Variants in FOCAD observed in about 807,000 individuals in gnomAD.
The protein encoded by FOCAD is focadhesin, also known as KIAA1797.
FOCAD carries 198 observed loss-of-function variants against 225.6 expected under a neutral mutation model. The ratio of observed to expected loss-of-function variants is 0.88; its 90% CI spans 0.78 to 0.99. The LOEUF is 0.99. Among genes scored for constraint, FOCAD ranks in the 50% least tolerant of loss-of-function variants. The pLI, the probability that FOCAD is intolerant of heterozygous loss-of-function variation, is 0.00. For synonymous variants in FOCAD, 897 were observed against 755.0 expected, an observed-to-expected ratio of 1.19 and a Z score of -3.08; for missense variants, 2,713 against 2,123.6, an observed-to-expected ratio of 1.28 and a Z score of -5.46.
chr9:20,857,078 T>C (rs1828261426), intron 15 of FOCAD, among the ~76,000 whole-genome samples: 1 of 152,090 alleles, frequency 6.6e-6, no homozygotes, highest in Non-Finnish European at 1.5e-5. Context: ...ACTGGGTCTT[T>C]ATGTTTCTGT....
chr9:20,854,598 T>C (rs944190599), intron 15 of FOCAD, among the ~76,000 whole-genome samples: 5 of 151,778 alleles, frequency 3.3e-5, no homozygotes, highest in African/African-American at 1.2e-4. Flanking sequence ...GGTAAGATTC[T>C]TGTGGAAGAA....
At chr9:20,847,303 T>A (rs1827214147) in intron 15 of FOCAD, among the ~76,000 whole-genome samples, 1 of 152,130 alleles carries the variant, frequency 6.6e-6, no homozygotes, top group Non-Finnish European at 1.5e-5. Context: ...TTTGGACATT[T>A]TATGTAAATG....
At chr9:20,710,651 T>C (rs929635855) in intron 1 of FOCAD, among the ~76,000 whole-genome samples, 2 of 152,116 alleles carry the variant, frequency 1.3e-5, no homozygotes, top group East Asian at 3.9e-4. Context: ...TTGAGAATAT[T>C]GCATATTATA....
intron 35 of FOCAD, among the ~76,000 whole-genome samples, chr9:20,955,676 G>T (rs907064187): frequency 2.0e-5 from 3 of 151,844 alleles, no homozygotes; most frequent in Non-Finnish European, 4.4e-5. Flanking sequence ...TAAAATCTTT[G>T]CTCATCATCT....
At chr9:20,694,857 A>T (rs1356165400) in intron 1 of FOCAD, among the ~76,000 whole-genome samples, 1 of 152,210 alleles carries the variant, frequency 6.6e-6, no homozygotes, top group Non-Finnish European at 1.5e-5. Flanking sequence ...ATATTATCCA[A>T]TACAGTCCAT....
At chr9:20,784,283 G>C (rs1819689443) in intron 10 of FOCAD, among the ~76,000 whole-genome samples, 1 of 152,216 alleles carries the variant, frequency 6.6e-6, no homozygotes, top group Admixed American at 6.5e-5. Flanking sequence ...GGAACCTGAA[G>C]AGAAGCCCCT....
chr9:20,702,614 A>G (rs991715952), intron 1 of FOCAD, among the ~76,000 whole-genome samples: 3 of 152,168 alleles, frequency 2.0e-5, no homozygotes, highest in African/African-American at 7.2e-5. Context: ...GTTGTTTTGA[A>G]TATCGAGTGA....
intron 8 of FOCAD, among the ~76,000 whole-genome samples, chr9:20,774,975 C>T (rs1818613441): frequency 6.6e-6 from 1 of 152,120 alleles, no homozygotes; most frequent in African/African-American, 2.4e-5. Context: ...TGCTATAGGT[C>T]TATATGTACT....
intron 2 of FOCAD, among the ~76,000 whole-genome samples, chr9:20,665,069 T>C (rs1821857097): frequency 6.6e-6 from 1 of 152,032 alleles, no homozygotes; most frequent in Non-Finnish European, 1.5e-5. Flanking sequence ...CAGGGTAGAG[T>C]ACTCCAGTAT....
Position 20,936,931 on chromosome 9 carries a change from A to G in FOCAD, c.3407+3828A>G, listed in dbSNP as rs532897379. Among the ~76,000 whole-genome samples the G allele has an allele frequency of 6.0e-3, 912 of 152,292 alleles. 7 individuals are homozygous for G. The highest frequency in any genetic ancestry group is 0.031 in the Middle Eastern group (9 of 294). ...AAATCACAAACATTTTTATACATCAATAACAGACAAACAAAGAGCCAAATC... is the reference window on the plus strand; with the variant it reads ...AAATCACAAACATTTTTATACATCAGTAACAGACAAACAAAGAGCCAAATC... On this transcript the variant is annotated intron_variant, in intron 28 of 43. Transcript: ENST00000338382.
chr9:20,797,998 C>T, intron 11 of FOCAD, among the ~76,000 whole-genome samples: 1 of 152,090 alleles, frequency 6.6e-6, no homozygotes, highest in Admixed American at 6.5e-5. Context: ...ATAGATAGCT[C>T]TTATCATTTT....
chr9:20,780,319 A>G (rs1364437856), intron 9 of FOCAD, among the ~76,000 whole-genome samples: 3 of 152,224 alleles, frequency 2.0e-5, no homozygotes, highest in East Asian at 1.9e-4. Context: ...AAAAAATTCT[A>G]AAGCCTCAGA....
chr9:20,924,507 G>A (rs1221489606), intron 25 of FOCAD, among the ~76,000 whole-genome samples: 1 of 152,160 alleles, frequency 6.6e-6, no homozygotes, highest in Non-Finnish European at 1.5e-5. Context: ...AGGATTGTTC[G>A]AAGGATTAAA....
intron 2 of FOCAD, among the ~76,000 whole-genome samples, chr9:20,664,949 A>G (rs1821853274): frequency 9.5e-6 from 1 of 105,646 alleles, no homozygotes. Flanking sequence ...ACATAGTGGA[A>G]AACACTGCAT....
chr9:20,693,376 C>G (rs1823093684), intron 1 of FOCAD, among the ~76,000 whole-genome samples: 1 of 152,182 alleles, frequency 6.6e-6, no homozygotes, highest in African/African-American at 2.4e-5. Context: ...AGAAACCTCT[C>G]TCTCTAATAC....
chr9:20,862,614 C>A lies in FOCAD; in HGVS notation c.1957C>A (p.Pro653Thr). The change falls in exon 16 of 44, where the codon CCA becomes ACA. Residue 653 changes from proline (P) to threonine (T), a missense_variant. Physicochemically the swap from Pro to Thr is conservative, Grantham distance 38 (BLOSUM62 -1). Coordinates refer to ENST00000338382, the MANE Select transcript of FOCAD (RefSeq NM_001375567.1). ...CIRSTWNALSPKLSCDTRPLI... is the reference protein window; with the variant it reads ...CIRSTWNALSTKLSCDTRPLI... ...TCGCTCCACTTGGAATGCTCTCTCT[C>A]CAAAGCTGAGTTGTGACACAAGACC... is the stretch of plus-strand genomic sequence containing the variant. 34 of 1,613,452 alleles carry A rather than the reference C, an allele frequency of 2.1e-5. No homozygotes were observed. Among genetic ancestry groups the A allele is most frequent in the Non-Finnish European group, 2.9e-5 (34 of 1,179,612 alleles).
rs147338087 is a variant in FOCAD, at chr9:20,734,866, G to A, written c.288-5370G>A. On this transcript the variant is annotated intron_variant, in intron 4 of 43. Coordinates refer to ENST00000338382, the MANE Select transcript of FOCAD (RefSeq NM_001375567.1). ...TGCCCAGTATGGTCTCAAATTCCTG[G>A]GCCCAAGCGATTCGCCCACCTTGGG... 1.3e-3 allele frequency among the ~76,000 whole-genome samples: 198 copies of A among 152,086 alleles called. 5 individuals carry two copies. The South Asian group carries it at 0.019, about 15-fold the overall frequency.
intron 11 of FOCAD, among the ~76,000 whole-genome samples, chr9:20,792,925 G>C (rs1221139703): frequency 6.6e-6 from 1 of 152,168 alleles, no homozygotes; most frequent in Admixed American, 6.5e-5. Context: ...AAATGAATAG[G>C]AAATGTGTGA....
chr9:20,691,573 C>T (rs1822982503), intron 1 of FOCAD, among the ~76,000 whole-genome samples: 1 of 151,832 alleles, frequency 6.6e-6, no homozygotes, highest in South Asian at 2.1e-4. Flanking sequence ...GCCGCACCTC[C>T]CGGGTTCACG....
Sources: allele counts gnomAD v4.1 joint callset (sites outside exome capture counted in the v4.1 genomes callset), GRCh38; gene constraint gnomAD v4.1.1; transcripts MANE v1.5; gene names NCBI Gene and HGNC (gene_info 2026-07-23, HGNC 2026-07-21).